RORA: variants seen among roughly 807,000 people sequenced by gnomAD.
The protein encoded by RORA is RAR related orphan receptor A, also known as nuclear receptor ROR-alpha.
Under a neutral mutation model 69.5 loss-of-function variants are expected in RORA, and 7 were observed. That is an observed-to-expected ratio of 0.10 (90% CI 0.06 to 0.19). The LOEUF is 0.19. Ranked by LOEUF, RORA falls within the 10% of genes least tolerant of loss-of-function variation. RORA has a pLI of 1.00. For missense variants in RORA, 457 were observed against 663.0 expected, an observed-to-expected ratio of 0.69 and a Z score of 3.41; for synonymous variants, 261 against 240.8, an observed-to-expected ratio of 1.08 and a Z score of -0.78.
chr15:61,144,167 AT>A (rs1390352556), intron 1 of RORA, among the ~76,000 whole-genome samples: 1 of 152,154 alleles, frequency 6.6e-6, no homozygotes, highest in Non-Finnish European at 1.5e-5. Flanking sequence ...GTGCAGGTTT[AT>A]TGGGGAGTAT....
intron 1 of RORA, among the ~76,000 whole-genome samples, chr15:61,084,297 A>G (rs1368025943): frequency 6.6e-6 from 1 of 152,218 alleles, no homozygotes; most frequent in East Asian, 1.9e-4. Flanking sequence ...ATCTGCCTGG[A>G]CATTCACCCA....
chr15:61,097,194 G>A lies in RORA; in HGVS notation c.166+131859C>T, dbSNP rs77683416. Among the ~76,000 whole-genome samples, 1,469 of 152,274 alleles carry A rather than the reference G, an allele frequency of 9.6e-3. 21 individuals carry two copies. The highest frequency in any genetic ancestry group is 0.053 in the East Asian group (276 of 5,176). On this transcript the variant is annotated intron_variant, in intron 1 of 10. Coordinates refer to ENST00000335670, the MANE Select transcript of RORA (RefSeq NM_134261.3). ...GGATTTGAGCAGGGTCCAGAAAGTC[G>A]GGAAAGACTGACTCGCAAATAAACA...
intron 1 of RORA, among the ~76,000 whole-genome samples, chr15:60,980,088 A>G (rs1016105563): frequency 6.6e-6 from 1 of 152,164 alleles, no homozygotes; most frequent in Non-Finnish European, 1.5e-5. Flanking sequence ...TTATCACGAA[A>G]GGATGTGAGA....
chr15:60,685,779 G>A (rs770508552), intron 1 of RORA, among the ~76,000 whole-genome samples: 2 of 152,172 alleles, frequency 1.3e-5, no homozygotes, highest in African/African-American at 2.4e-5. Context: ...AGGACAACAC[G>A]TGGAAGGCAT....
chr15:61,223,285 G>C (rs1294971763), intron 1 of RORA, among the ~76,000 whole-genome samples: 2 of 126,364 alleles, frequency 1.6e-5, no homozygotes, highest in Non-Finnish European at 3.1e-5. Flanking sequence ...CTGCACTCCA[G>C]CCTGGGAGAC....
chr15:60,814,168 C>G (rs2072779156), intron 1 of RORA, among the ~76,000 whole-genome samples: 1 of 152,138 alleles, frequency 6.6e-6, no homozygotes, highest in Non-Finnish European at 1.5e-5. Flanking sequence ...TCTCCATGCC[C>G]TTACTCAGGC....
intron 8 of RORA, 49 bp from the exon 9 acceptor site, chr15:60,501,118 G>A: frequency 2.0e-6 from 2 of 1,014,434 alleles, no homozygotes; most frequent in African/African-American, 1.7e-5. Flanking sequence ...TATTGTCTTA[G>A]GAGAAAAACC....
intron 1 of RORA, among the ~76,000 whole-genome samples, chr15:60,880,272 A>G (rs1020021370): frequency 6.6e-6 from 1 of 152,098 alleles, no homozygotes; most frequent in African/African-American, 2.4e-5. Flanking sequence ...TCTTCACTCT[A>G]TCTTACTTTT....
At chr15:60,695,772 G>A (rs2070895026) in intron 1 of RORA, among the ~76,000 whole-genome samples, 2 of 152,060 alleles carry the variant, frequency 1.3e-5, no homozygotes, top group Admixed American at 6.6e-5. Flanking sequence ...GCTTACTGAA[G>A]GGTGCTTTAA....
intron 2 of RORA, chr15:60,548,015 C>A (rs1169869842): frequency 2.6e-5 from 4 of 152,168 alleles, no homozygotes; most frequent in African/African-American, 4.8e-5. Flanking sequence ...TCAATTAGGG[C>A]AGACTTTGTG....
At chr15:60,805,106 C>T (rs1595728455) in intron 1 of RORA, among the ~76,000 whole-genome samples, 1 of 152,198 alleles carries the variant, frequency 6.6e-6, no homozygotes, top group African/African-American at 2.4e-5. Flanking sequence ...CCGCCAGTCA[C>T]TTCCCCAACC....
intron 1 of RORA, among the ~76,000 whole-genome samples, chr15:60,828,430 G>A (rs961561858): frequency 6.6e-6 from 1 of 152,222 alleles, no homozygotes; most frequent in Non-Finnish European, 1.5e-5. Context: ...AAGGGAAGGG[G>A]AAGTGAAGAC....
intron 2 of RORA, chr15:60,545,167 AAATT>A (rs1247723817): frequency 6.6e-6 from 1 of 152,214 alleles, no homozygotes; most frequent in African/African-American, 2.4e-5. Context: ...TAAAAAAAGA[AAATT>A]AAAGTTTAGA....
At chr15:60,838,817 C>T (rs2073153829) in intron 1 of RORA, among the ~76,000 whole-genome samples, 1 of 150,456 alleles carries the variant, frequency 6.6e-6, no homozygotes, top group Non-Finnish European at 1.5e-5. Flanking sequence ...GGCTTTCCAC[C>T]TGGTCATCCT....
At chr15:61,039,744 C>CAAA (rs5813062) in intron 1 of RORA, among the ~76,000 whole-genome samples, 1,269 of 82,542 alleles carry the variant, frequency 0.015, 43 homozygotes, top group African/African-American at 0.049. Flanking sequence ...GACTCTGTCT[C>CAAA]AAAAAAAAAA....
chr15:60,882,622 A>C (rs937813744), intron 1 of RORA, among the ~76,000 whole-genome samples: 2 of 138,872 alleles, frequency 1.4e-5, no homozygotes, highest in Admixed American at 1.5e-4. Context: ...CTTACCCTTT[A>C]GATGGAGCTT....
Position 61,147,102 on chromosome 15 carries a change from C to A in RORA, c.166+81951G>T, listed in dbSNP as rs917531507. On this transcript the variant is annotated intron_variant, in intron 1 of 10. Coordinates refer to ENST00000335670, the MANE Select transcript of RORA (RefSeq NM_134261.3). The surrounding 1 kb of genome is among the most constrained non-coding windows in gnomAD (Gnocchi z 4.1). Reference sequence around the variant, plus strand: ...AGAGCACCAAGCGGGCCAGACATCACAATAGGTTAGATTTTGGCAGATGCC... The same window carrying A: ...AGAGCACCAAGCGGGCCAGACATCAAAATAGGTTAGATTTTGGCAGATGCC... Among the ~76,000 whole-genome samples the A allele has an allele frequency of 6.6e-6, 1 of 152,180 alleles. No homozygotes were observed. Among genetic ancestry groups the A allele is most frequent in the East Asian group, 1.9e-4 (1 of 5,202 alleles).
chr15:61,088,658 G>A (rs999756888), intron 1 of RORA, among the ~76,000 whole-genome samples: 3 of 152,106 alleles, frequency 2.0e-5, no homozygotes, highest in Admixed American at 6.5e-5. Flanking sequence ...GGATTAATAC[G>A]AAGGTGAAGG....
At chr15:61,181,633 A>C (rs1414599800) in intron 1 of RORA, among the ~76,000 whole-genome samples, 3 of 148,928 alleles carry the variant, frequency 2.0e-5, no homozygotes, top group Non-Finnish European at 4.5e-5. Flanking sequence ...AAGCATTGTC[A>C]TTAGCAGAAC....
Sources: allele counts gnomAD v4.1 joint callset (sites outside exome capture counted in the v4.1 genomes callset), GRCh38; gene constraint gnomAD v4.1.1; non-coding constraint Gnocchi (gnomAD v3.1); transcripts MANE v1.5; gene names NCBI Gene and HGNC (gene_info 2026-07-23, HGNC 2026-07-21).